ADGRV1: variants seen among roughly 807,000 people sequenced by gnomAD.
The protein encoded by ADGRV1 is G-protein coupled receptor 98.
Under a neutral mutation model 596.2 loss-of-function variants are expected in ADGRV1, and 359 were observed. The observed-to-expected ratio is 0.60, with a 90% CI of 0.55 to 0.66. The LOEUF (loss-of-function observed/expected upper bound fraction) is 0.66, where lower values mean the gene tolerates loss of function less well. Among genes scored for constraint, ADGRV1 ranks in the 30% least tolerant of loss-of-function variants. The pLI is 0.00. For missense variants in ADGRV1, 7,274 were observed against 7,575.6 expected (o/e 0.96, Z 1.48); for synonymous variants, 2,681 against 2,679.2 (o/e 1.00, Z -0.02).
intron 84 of ADGRV1, among the ~76,000 whole-genome samples, chr5:90,973,786 T>G (rs1416156729): frequency 1.3e-5 from 2 of 152,146 alleles, no homozygotes; most frequent in Non-Finnish European, 2.9e-5. Flanking sequence ...CTTTGAAAAG[T>G]GGCACAAGAC....
intron 84 of ADGRV1, among the ~76,000 whole-genome samples, chr5:90,967,561 T>G (rs1778584975): frequency 6.6e-6 from 1 of 152,178 alleles, no homozygotes; most frequent in African/African-American, 2.4e-5. Flanking sequence ...AGGTCCCCAG[T>G]GCTATGCTAA....
At position 90,797,171 on chromosome 5, in the gene ADGRV1, A is replaced by G. The variant is rs187020763; in HGVS notation, c.14518-5568A>G. On this transcript the variant is annotated intron_variant, in intron 70 of 89. Transcript: ENST00000405460. ...TAAATGTCCCAATTAAAAGACACAG[A>G]CTGCCAAATTGGATAAAGAGTCAAG... Among the ~76,000 whole-genome samples the G allele has an allele frequency of 4.5e-4, 69 of 152,016 alleles. 1 individual carries two copies. The highest frequency in any genetic ancestry group is 9.2e-4 in the Admixed American group (14 of 15,266).
At chr5:90,709,282 G>T (rs1160296631) in intron 39 of ADGRV1, among the ~76,000 whole-genome samples, 6 of 151,994 alleles carry the variant, frequency 3.9e-5, no homozygotes, top group African/African-American at 1.4e-4. Context: ...GCTGATATTT[G>T]CTTCTTTGTT....
chr5:90,819,131 G>T (rs1485215871), intron 75 of ADGRV1, among the ~76,000 whole-genome samples: 4 of 151,834 alleles, frequency 2.6e-5, no homozygotes, highest in South Asian at 2.1e-4. Context: ...ACTTCTTTGT[G>T]GTTTAGTCTT....
intron 50 of ADGRV1, among the ~76,000 whole-genome samples, chr5:90,737,684 C>T (rs1385634367): frequency 6.6e-6 from 1 of 151,832 alleles, no homozygotes; most frequent in South Asian, 2.1e-4. Context: ...ATAGAATGGT[C>T]TTCTTTGTCC....
intron 64 of ADGRV1, chr5:90,779,324 T>C: frequency 3.1e-6 from 1 of 325,030 alleles, no homozygotes; most frequent in African/African-American, 2.1e-5. Flanking sequence ...AAAGTATGTG[T>C]TTCTATTGTG....
At chr5:90,628,860 G>A in intron 8 of ADGRV1, 28 bp downstream of exon 8, 2 of 1,600,284 alleles carry the variant, frequency 1.2e-6, no homozygotes, top group Non-Finnish European at 1.7e-6. Context: ...CTTTATGCTT[G>A]TTAATATTTC....
At chr5:90,802,602 T>C (rs1761490494) in intron 70 of ADGRV1, 137 bp from the exon 71 acceptor site, 13 of 686,452 alleles carry the variant, frequency 1.9e-5, no homozygotes, top group Non-Finnish European at 3.2e-5. Context: ...GTTTGTTTTG[T>C]GATGGGGAAA....
intron 25 of ADGRV1, 90 bp from the exon 26 acceptor site, chr5:90,679,459 C>T: frequency 1.3e-6 from 1 of 779,268 alleles, no homozygotes; most frequent in Non-Finnish European, 2.1e-6. Flanking sequence ...CTGCATTTTC[C>T]TCTTTGCTTG....
At chr5:91,056,093 A>T (rs1786821123) in intron 85 of ADGRV1, among the ~76,000 whole-genome samples, 1 of 152,166 alleles carries the variant, frequency 6.6e-6, no homozygotes, top group Non-Finnish European at 1.5e-5. Context: ...ATGGCAGATG[A>T]GGCAAAACTT....
intron 14 of ADGRV1, 65 bp from the exon 15 acceptor site, chr5:90,644,641 C>G: frequency 7.9e-7 from 1 of 1,271,698 alleles, no homozygotes; most frequent in Non-Finnish European, 1.1e-6. Flanking sequence ...TAACCGATTT[C>G]TTTACTCATC....
chr5:91,143,483 G>A (rs1795273216), intron 87 of ADGRV1, among the ~76,000 whole-genome samples: 1 of 152,192 alleles, frequency 6.6e-6, no homozygotes, highest in African/African-American at 2.4e-5. Flanking sequence ...CCTCTCCGCA[G>A]CTGGTCGTCC....
chr5:90,840,632 G>A lies in ADGRV1; in HGVS notation c.16666G>A (p.Gly5556Arg), dbSNP rs1765342882. 3 of 1,613,384 alleles carry A rather than the reference G, an allele frequency of 1.9e-6. No individual in the cohort carries two copies. Among genetic ancestry groups the A allele is most frequent in the Non-Finnish European group, 2.5e-6 (3 of 1,179,398 alleles). Residue 5556 changes from glycine (G) to arginine (R), a missense_variant, in exon 78 of 90, where the codon GGA (glycine) becomes AGA (arginine). By Grantham distance (125) the Gly-to-Arg change is moderately radical (BLOSUM62 -2). Around this residue, in one of 5 missense-constraint regions of ADGRV1, gnomAD observed 1,874 missense variants for 1,970.2 expected, o/e 0.95. Transcript: ENST00000405460. ...TACCATCATATCTCCAGCTATTTCT[G>A]GAAAGGATTTTGTGATAACTGAAGG... is the stretch of plus-strand genomic sequence containing the variant. Reference protein sequence around the residue: ...GRTIISPAISGKDFVITEGTL... With the variant: ...GRTIISPAISRKDFVITEGTL...
chr5:90,635,755 T>A (rs1430029161), intron 10 of ADGRV1, among the ~76,000 whole-genome samples: 1 of 152,088 alleles, frequency 6.6e-6, no homozygotes, highest in Non-Finnish European at 1.5e-5. Flanking sequence ...CACTCCTGCC[T>A]ATTTTTTCTT....
chr5:91,125,010 G>C (rs1793629038), intron 87 of ADGRV1, among the ~76,000 whole-genome samples: 1 of 152,210 alleles, frequency 6.6e-6, no homozygotes, highest in South Asian at 2.1e-4. Flanking sequence ...GTCCCTTGGA[G>C]ACTTGGGGTT....
intron 1 of ADGRV1, among the ~76,000 whole-genome samples, chr5:90,613,310 T>G (rs1329815120): frequency 6.6e-6 from 1 of 152,150 alleles, no homozygotes; most frequent in African/African-American, 2.4e-5. Flanking sequence ...GTTCATTTCC[T>G]TGCCACTATT....
intron 84 of ADGRV1, among the ~76,000 whole-genome samples, chr5:90,984,950 A>T (rs1274962694): frequency 6.6e-6 from 1 of 152,230 alleles, no homozygotes; most frequent in Non-Finnish European, 1.5e-5. Context: ...AAAAAGCTTG[A>T]AAATATAGGG....
chr5:90,654,171 G>A, intron 20 of ADGRV1: 1 of 561,572 alleles, frequency 1.8e-6, no homozygotes. Flanking sequence ...TAAAGAACCT[G>A]GAATAAACCC....
At chr5:90,630,192 T>C (rs56002033) in intron 9 of ADGRV1, 27,527 of 151,940 alleles carry the variant, frequency 0.18, 2,693 homozygotes, top group East Asian at 0.4. Flanking sequence ...GAGACGGGGT[T>C]TTCCCATTTT....
Sources: allele counts gnomAD v4.1 joint callset (sites outside exome capture counted in the v4.1 genomes callset), GRCh38; gene constraint gnomAD v4.1.1; regional missense constraint gnomAD v4.1.1; transcripts MANE v1.5; gene names NCBI Gene and HGNC (gene_info 2026-07-23, HGNC 2026-07-21).